The following ASTN2 variants were observed in gnomAD, a reference collection of about 807,000 sequenced individuals.
ASTN2 encodes astrotactin-2.
ASTN2 carries 54 observed loss-of-function variants against 139.8 expected under a neutral mutation model. The observed-to-expected ratio is 0.39, with a 90% CI of 0.31 to 0.48. The LOEUF is 0.48. ASTN2 is among the 20% of genes least tolerant of loss of function. The pLI is 0.95. For missense variants in ASTN2, 1,565 were observed against 1,725.1 expected (o/e 0.91, Z 1.64); for synonymous variants, 756 against 719.5 (o/e 1.05, Z -0.81).
chr9:117,082,410 C>T (rs755991296), intron 5 of ASTN2, among the ~76,000 whole-genome samples: 4 of 152,146 alleles, frequency 2.6e-5, no homozygotes, highest in Non-Finnish European at 5.9e-5. Flanking sequence ...CATGCTCACC[C>T]AGAGTGTTCC....
At chr9:117,099,472 C>T (rs1367764500) in intron 4 of ASTN2, among the ~76,000 whole-genome samples, 2 of 152,180 alleles carry the variant, frequency 1.3e-5, no homozygotes, top group African/African-American at 4.8e-5. Flanking sequence ...TTTATTCTTT[C>T]CCTACTGGAG....
At chr9:116,750,579 C>T (rs967957178) in intron 13 of ASTN2, among the ~76,000 whole-genome samples, 1 of 152,106 alleles carries the variant, frequency 6.6e-6, no homozygotes, top group Admixed American at 6.5e-5. Flanking sequence ...TTCCCTCTCT[C>T]TTTTATTAGT....
chr9:117,003,940 A>ACGCGCGCGCG (rs772588901), intron 7 of ASTN2, among the ~76,000 whole-genome samples: 1 of 144,530 alleles, frequency 6.9e-6, no homozygotes, highest in Admixed American at 6.8e-5. Context: ...TGTTTCTTTC[A>ACGCGCGCGCG]CGCGCGCGCG....
chr9:117,025,812 G>A (rs1929004), intron 6 of ASTN2, among the ~76,000 whole-genome samples: 29,493 of 122,786 alleles, frequency 0.24, 3,669 homozygotes, highest in East Asian at 0.49. Context: ...TTTTTTTTTT[G>A]ACAGAGTCTC....
intron 2 of ASTN2, among the ~76,000 whole-genome samples, chr9:117,271,681 T>C (rs532897019): frequency 4.6e-5 from 7 of 152,242 alleles, no homozygotes; most frequent in Admixed American, 2.6e-4. Flanking sequence ...ATGGGAGAGA[T>C]TGGCCAAAAC....
chr9:117,119,346 G>C (rs767134238), intron 4 of ASTN2, among the ~76,000 whole-genome samples: 1 of 152,178 alleles, frequency 6.6e-6, no homozygotes, highest in Admixed American at 6.5e-5. Flanking sequence ...TTTCCCAATT[G>C]CTTCTGAGTT....
rs1831256437 is a variant in ASTN2, at chr9:117,414,180, G to A, written c.442+317C>T. Among the ~76,000 whole-genome samples the A allele has an allele frequency of 6.6e-6, 1 of 152,122 alleles. No individual in the cohort carries two copies. Among genetic ancestry groups the A allele is most frequent in the Middle Eastern group, 3.4e-3 (1 of 294 alleles). On this transcript the variant is annotated intron_variant, in intron 1 of 22. Coordinates refer to ENST00000313400, the MANE Select transcript of ASTN2 (RefSeq NM_001365068.1). The surrounding 1 kb of genome is among the most constrained non-coding windows in gnomAD (Gnocchi z 4.2). The stretch of plus-strand genomic sequence containing the variant: ...TGGGATGCTCCGGCCCCTAGCCAGA[G>A]CACCTTCAGTGAATGGGGTCTCCGG...
At chr9:116,830,468 A>G (rs1831774728) in intron 11 of ASTN2, among the ~76,000 whole-genome samples, 1 of 152,116 alleles carries the variant, frequency 6.6e-6, no homozygotes, top group African/African-American at 2.4e-5. Context: ...CAATCCCACT[A>G]TTGGGTATAA....
chr9:116,469,551 G>C (rs1848749341), intron 20 of ASTN2, among the ~76,000 whole-genome samples: 1 of 152,178 alleles, frequency 6.6e-6, no homozygotes, highest in Non-Finnish European at 1.5e-5. Context: ...TCAAATGCTA[G>C]TTCTGCCACT....
rs1000326822 is a variant in ASTN2, at chr9:116,727,430, G to A, written c.2627-1480C>T. On this transcript the variant is annotated intron_variant, in intron 15 of 22. Transcript: ENST00000313400. ...CATTTGATTGACAAAAGGGTTTTCCGGGAGCATCATTATTGATTAATTAAA... is the reference window on the plus strand; with the variant it reads ...CATTTGATTGACAAAAGGGTTTTCCAGGAGCATCATTATTGATTAATTAAA... 7.9e-5 allele frequency among the ~76,000 whole-genome samples: 12 copies of A among 152,194 alleles called. 1 individual carries two copies. The South Asian group carries it at 1.0e-3, about 13-fold the overall frequency.
intron 1 of ASTN2, among the ~76,000 whole-genome samples, chr9:117,310,309 G>A (rs969366468): frequency 6.6e-6 from 1 of 152,094 alleles, no homozygotes; most frequent in African/African-American, 2.4e-5. Context: ...GAAGATCTTG[G>A]AGGCATCTCT....
intron 1 of ASTN2, among the ~76,000 whole-genome samples, chr9:117,292,324 G>T (rs751696690): frequency 6.6e-6 from 1 of 152,072 alleles, no homozygotes; most frequent in African/African-American, 2.4e-5. Context: ...TAGTATTTTT[G>T]TTCAATGTAT....
At chr9:116,950,641 TTCCCTTCCACC>T (rs1404910940) in intron 10 of ASTN2, among the ~76,000 whole-genome samples, 1 of 152,184 alleles carries the variant, frequency 6.6e-6, no homozygotes, top group Non-Finnish European at 1.5e-5. Context: ...TTTGGCAAGC[TTCCCTTCCACC>T]TTATTCTGGT....
intron 1 of ASTN2, among the ~76,000 whole-genome samples, chr9:117,316,096 T>G (rs745992209): frequency 1.3e-5 from 2 of 152,192 alleles, no homozygotes; most frequent in Non-Finnish European, 2.9e-5. Context: ...TGACAACCCA[T>G]CACAAATTGC....
At chr9:117,011,792 C>T (rs1837545934) in intron 6 of ASTN2, among the ~76,000 whole-genome samples, 1 of 152,174 alleles carries the variant, frequency 6.6e-6, no homozygotes, top group Admixed American at 6.6e-5. Flanking sequence ...ATTTGCACAA[C>T]CAGTAAGTGG....
At chr9:117,091,161 G>T (rs1195929946) in intron 5 of ASTN2, among the ~76,000 whole-genome samples, 1 of 152,174 alleles carries the variant, frequency 6.6e-6, no homozygotes, top group African/African-American at 2.4e-5. Context: ...TTTCCCAGCA[G>T]GCAGGCATAA....
chr9:116,901,558 G>A (rs1001862337), intron 10 of ASTN2, among the ~76,000 whole-genome samples: 5 of 152,062 alleles, frequency 3.3e-5, no homozygotes, highest in Admixed American at 6.6e-5. Context: ...CCTGTTTGTG[G>A]TCATGCTGGT....
chr9:117,016,616 CTATCTATCTATATATATATA>C lies in ASTN2; in HGVS notation c.1424-8377_1424-8358del, dbSNP rs1837692761. On this transcript the variant is annotated intron_variant, in intron 6 of 22. Coordinates refer to ENST00000313400, the MANE Select transcript of ASTN2 (RefSeq NM_001365068.1). ...TTTATATATATATCTATATCTATAT[CTATCTATCTATATATATATA>C]TATATATATATATATATATAACCTA... 9.4e-5 allele frequency among the ~76,000 whole-genome samples: 4 copies of C among 42,470 alleles called. 1 individual carries two copies. The highest frequency in any genetic ancestry group is 3.9e-4 in the African/African-American group (2 of 5,136). 27.9% of individuals were successfully genotyped at this position (42,470 alleles called of 152,430 possible).
At chr9:117,192,219 C>A (rs750168465) in intron 3 of ASTN2, among the ~76,000 whole-genome samples, 6 of 152,038 alleles carry the variant, frequency 3.9e-5, no homozygotes, top group Non-Finnish European at 5.9e-5. Context: ...GACACCAGGG[C>A]CAAACGTCCA....
Sources: allele counts gnomAD v4.1 joint callset (sites outside exome capture counted in the v4.1 genomes callset), GRCh38; gene constraint gnomAD v4.1.1; non-coding constraint Gnocchi (gnomAD v3.1); transcripts MANE v1.5; gene names NCBI Gene and HGNC (gene_info 2026-07-23, HGNC 2026-07-21).